The following SAMD12 variants were observed in gnomAD, a reference collection of about 807,000 sequenced individuals.
The protein encoded by SAMD12 is sterile alpha motif domain containing 12.
Under a neutral mutation model 15.0 loss-of-function variants are expected in SAMD12, and 9 were observed. That is an observed-to-expected ratio of 0.60 (90% CI 0.36 to 1.05). The LOEUF is 1.05. SAMD12 is among the 50% of genes least tolerant of loss of function. SAMD12 has a pLI of 0.01. For synonymous variants in SAMD12, 86 were observed against 90.1 expected (o/e 0.96, Z 0.25); for missense variants, 230 against 234.2 (o/e 0.98, Z 0.12).
chr8:118,259,106 G>T (rs762159451), intron 4 of SAMD12, among the ~76,000 whole-genome samples: 2 of 152,062 alleles, frequency 1.3e-5, no homozygotes, highest in African/African-American at 4.8e-5. Flanking sequence ...AACAAAAACC[G>T]TGAAACACAG....
At chr8:118,335,420 C>G (rs935551102) in intron 4 of SAMD12, among the ~76,000 whole-genome samples, 9 of 152,192 alleles carry the variant, frequency 5.9e-5, no homozygotes, top group Admixed American at 5.9e-4. Context: ...ATTTAGGGGA[C>G]TTGACATAAA....
intron 3 of SAMD12, among the ~76,000 whole-genome samples, chr8:118,415,690 T>A (rs1821653689): frequency 6.6e-6 from 1 of 152,192 alleles, no homozygotes. Context: ...GATTTCCTTG[T>A]AGTCTATGGT....
intron 2 of SAMD12, among the ~76,000 whole-genome samples, chr8:118,547,948 T>A (rs1450317645): frequency 2.0e-5 from 3 of 152,180 alleles, no homozygotes; most frequent in Non-Finnish European, 4.4e-5. Context: ...GGGGTACATG[T>A]AACACACTTG....
chr8:118,612,271 CCTT>C (rs1475756811), intron 1 of SAMD12, among the ~76,000 whole-genome samples: 2 of 152,162 alleles, frequency 1.3e-5, no homozygotes, highest in Non-Finnish European at 2.9e-5. Context: ...GGCCTGTCCT[CCTT>C]ATCTGATTGT....
At chr8:118,203,981 A>G (rs1388200365) in intron 4 of SAMD12, among the ~76,000 whole-genome samples, 3 of 151,962 alleles carry the variant, frequency 2.0e-5, no homozygotes, top group Non-Finnish European at 4.4e-5. Flanking sequence ...CTCCCAAAAT[A>G]GGCCAAGATA....
intron 4 of SAMD12, among the ~76,000 whole-genome samples, chr8:118,338,471 C>T (rs530975117): frequency 1.3e-5 from 2 of 152,144 alleles, no homozygotes; most frequent in Admixed American, 6.5e-5. Flanking sequence ...AATGTGGAAA[C>T]GGACTAAAAA....
intron 2 of SAMD12, among the ~76,000 whole-genome samples, chr8:118,503,079 A>G (rs542050671): frequency 4.6e-5 from 7 of 152,338 alleles, no homozygotes; most frequent in African/African-American, 9.6e-5. Flanking sequence ...TTTATGTTCA[A>G]TGGTTGATTC....
At chr8:118,145,797 T>A in the SAMD12 span, among the ~76,000 whole-genome samples, 1 of 152,202 alleles carries the variant, frequency 6.6e-6, no homozygotes, top group Non-Finnish European at 1.5e-5. Context: ...CCCAAAGATT[T>A]CCTGCTAAAG....
At chr8:118,172,694 C>G in the SAMD12 span, among the ~76,000 whole-genome samples, 10 of 152,302 alleles carry the variant, frequency 6.6e-5, no homozygotes, top group South Asian at 2.1e-3. Context: ...ACCGTTACCA[C>G]AGAGTAATAA....
intron 1 of SAMD12, among the ~76,000 whole-genome samples, chr8:118,604,711 G>A (rs1243924264): frequency 6.6e-6 from 1 of 152,078 alleles, no homozygotes; most frequent in Non-Finnish European, 1.5e-5. Flanking sequence ...GAGGAGGTCA[G>A]GAGATCAAGA....
chr8:118,226,324 C>A (rs181635688), intron 4 of SAMD12, among the ~76,000 whole-genome samples: 2 of 152,262 alleles, frequency 1.3e-5, no homozygotes, highest in East Asian at 3.9e-4. Context: ...CTTTCTGTGG[C>A]GTACTGAAGC....
At chr8:118,547,530 C>T (rs1346955066) in intron 2 of SAMD12, among the ~76,000 whole-genome samples, 2 of 152,132 alleles carry the variant, frequency 1.3e-5, no homozygotes, top group East Asian at 1.9e-4. Flanking sequence ...ATTCTTGCAC[C>T]TTACACAGTA....
the SAMD12 span, among the ~76,000 whole-genome samples, chr8:118,177,482 A>T: frequency 2.0e-5 from 3 of 151,984 alleles, no homozygotes; most frequent in Non-Finnish European, 2.9e-5. Flanking sequence ...GGGCTCAAGC[A>T]ATTCTTGTGC....
intron 2 of SAMD12, among the ~76,000 whole-genome samples, chr8:118,544,025 G>A (rs1280378298): frequency 6.6e-6 from 1 of 152,078 alleles, no homozygotes; most frequent in African/African-American, 2.4e-5. Flanking sequence ...TCTCGGGTCT[G>A]GTGTCCTGTC....
At chr8:118,139,215 T>TAAA in the SAMD12 span, among the ~76,000 whole-genome samples, 1 of 140,374 alleles carries the variant, frequency 7.1e-6, no homozygotes. Context: ...TGGCAGACAT[T>TAAA]AAAAAAAAAA....
At chr8:118,354,118 G>A (rs1164818749) in intron 4 of SAMD12, among the ~76,000 whole-genome samples, 1 of 152,112 alleles carries the variant, frequency 6.6e-6, no homozygotes, top group South Asian at 2.1e-4. Context: ...TGGCTTCTTT[G>A]AATTCTCTTT....
chr8:118,321,309 T>G (rs1816269381), intron 4 of SAMD12, among the ~76,000 whole-genome samples: 3 of 50,840 alleles, frequency 5.9e-5, no homozygotes, highest in African/African-American at 3.1e-4. Flanking sequence ...TTTTTTTTTT[T>G]GGTTTTTTTT....
At chr8:118,488,543 A>C (rs1355845425) in intron 2 of SAMD12, among the ~76,000 whole-genome samples, 2 of 152,058 alleles carry the variant, frequency 1.3e-5, no homozygotes, top group Non-Finnish European at 2.9e-5. Context: ...CCCTCCCACC[A>C]ACCCCCATTT....
intron 4 of SAMD12, among the ~76,000 whole-genome samples, chr8:118,202,708 G>C (rs1019891399): frequency 6.6e-6 from 1 of 152,190 alleles, no homozygotes; most frequent in African/African-American, 2.4e-5. Flanking sequence ...GGGCTGTTCA[G>C]TGTCTTCCCT....
Sources: gnomAD v4.1 joint callset for allele counts (sites outside exome capture counted in the v4.1 genomes callset) on GRCh38, gnomAD v4.1.1 for gene constraint, MANE v1.5 for transcripts, NCBI Gene and HGNC (gene_info 2026-07-23, HGNC 2026-07-21) for gene names.